The following FRMD4A variants were observed in gnomAD, a reference collection of about 807,000 sequenced individuals.
FRMD4A encodes FERM domain-containing protein 4A.
FRMD4A carries 29 observed loss-of-function variants against 129.1 expected under a neutral mutation model. That is an observed-to-expected ratio of 0.22 (90% CI 0.17 to 0.31). The LOEUF (loss-of-function observed/expected upper bound fraction) is 0.31. FRMD4A is among the 10% of genes least tolerant of loss of function. FRMD4A has a pLI of 1.00. For synonymous variants in FRMD4A, 634 were observed against 571.6 expected, an observed-to-expected ratio of 1.11 and a Z score of -1.56; for missense variants, 1,272 against 1,375.8, an observed-to-expected ratio of 0.92 and a Z score of 1.19.
At chr10:14,028,544 C>T (rs1833087023) in intron 2 of FRMD4A, among the ~76,000 whole-genome samples, 1 of 152,136 alleles carries the variant, frequency 6.6e-6, no homozygotes, top group African/African-American at 2.4e-5. Context: ...ATGAAATAAA[C>T]ATATCTCTTA....
At chr10:14,049,725 C>G (rs1834168062) in intron 2 of FRMD4A, among the ~76,000 whole-genome samples, 1 of 152,096 alleles carries the variant, frequency 6.6e-6, no homozygotes, top group South Asian at 2.1e-4. Flanking sequence ...CATGGTGGCG[C>G]TCGCCTAGAA....
intron 2 of FRMD4A, among the ~76,000 whole-genome samples, chr10:13,998,644 C>G (rs1487527521): frequency 6.6e-6 from 1 of 152,196 alleles, no homozygotes; most frequent in African/African-American, 2.4e-5. Flanking sequence ...TACAGCTGCT[C>G]AGGGGGCCGT....
intron 2 of FRMD4A, among the ~76,000 whole-genome samples, chr10:14,150,086 A>T (rs1256442289): frequency 6.6e-6 from 1 of 152,068 alleles, no homozygotes; most frequent in Non-Finnish European, 1.5e-5. Context: ...ACCAGATCTC[A>T]TGAAAACTCT....
At chr10:13,722,699 A>C (rs2089535543) in intron 12 of FRMD4A, among the ~76,000 whole-genome samples, 1 of 152,254 alleles carries the variant, frequency 6.6e-6, no homozygotes, top group African/African-American at 2.4e-5. Flanking sequence ...TATGATGAGC[A>C]GTATCACTAG....
At chr10:14,250,666 C>A (rs1844407186) in intron 2 of FRMD4A, among the ~76,000 whole-genome samples, 1 of 152,174 alleles carries the variant, frequency 6.6e-6, no homozygotes, top group African/African-American at 2.4e-5. Flanking sequence ...TCTTTTAACC[C>A]AGTCCTTGGC....
chr10:14,211,571 T>C (rs1458320944), intron 2 of FRMD4A, among the ~76,000 whole-genome samples: 2 of 152,160 alleles, frequency 1.3e-5, no homozygotes, highest in Admixed American at 1.3e-4. Context: ...TTAAATCCCA[T>C]CCTCCTTTCT....
intron 2 of FRMD4A, among the ~76,000 whole-genome samples, chr10:14,127,649 A>G (rs1368743789): frequency 6.6e-6 from 1 of 152,104 alleles, no homozygotes; most frequent in East Asian, 1.9e-4. Flanking sequence ...GGGAATGGCT[A>G]TCTTTTTTGC....
intron 2 of FRMD4A, among the ~76,000 whole-genome samples, chr10:14,048,381 G>T (rs1262803314): frequency 2.0e-5 from 3 of 152,206 alleles, no homozygotes; most frequent in African/African-American, 7.2e-5. Context: ...TTGTGGGACT[G>T]ATTTTTTGGG....
Position 13,659,426 on chromosome 10 carries a change from G to C in FRMD4A, c.1963C>G (p.Gln655Glu), listed in dbSNP as rs1271399948. 13 of 1,613,852 alleles carry C rather than the reference G, an allele frequency of 8.1e-6. No individual in the cohort carries two copies. Among genetic ancestry groups the C allele is most frequent in the Non-Finnish European group, 1.1e-5 (13 of 1,179,956 alleles). Residue 655 changes from glutamine (Q) to glutamate (E), a missense_variant, in exon 21 of 25, where the codon CAG becomes GAG. Physicochemically the swap from Gln to Glu is conservative, Grantham distance 29. Transcript: ENST00000357447. ...AEAGGGSNSL[Q>E]NSPIRGLPHW... ...GGGAGGCCGCGGATGGGGCTGTTCTGCAAGGAGTTGCTTCCTCCGCCGGCT... is the reference window on the plus strand; with the variant it reads ...GGGAGGCCGCGGATGGGGCTGTTCTCCAAGGAGTTGCTTCCTCCGCCGGCT...
chr10:14,016,422 C>T (rs963447705), intron 2 of FRMD4A, among the ~76,000 whole-genome samples: 3 of 152,210 alleles, frequency 2.0e-5, no homozygotes, highest in Non-Finnish European at 2.9e-5. Flanking sequence ...ATTCTGCACA[C>T]GGTTTTCCTG....
At chr10:14,246,438 TAC>T (rs1272681838) in intron 2 of FRMD4A, among the ~76,000 whole-genome samples, 1 of 151,824 alleles carries the variant, frequency 6.6e-6, no homozygotes, top group Non-Finnish European at 1.5e-5. Flanking sequence ...CATGCACTCA[TAC>T]ACAATCACAC....
chr10:13,971,406 T>C (rs1305913626), intron 2 of FRMD4A, among the ~76,000 whole-genome samples: 1 of 152,194 alleles, frequency 6.6e-6, no homozygotes, highest in Non-Finnish European at 1.5e-5. Flanking sequence ...GATGGTGACA[T>C]AGGCACTTCC....
intron 2 of FRMD4A, among the ~76,000 whole-genome samples, chr10:14,097,748 T>G (rs1047240561): frequency 6.6e-6 from 1 of 151,172 alleles, no homozygotes; most frequent in African/African-American, 2.4e-5. Context: ...TGGTCTAAAT[T>G]TATAGGGCAG....
chr10:14,006,521 C>A (rs1168486737), intron 2 of FRMD4A, among the ~76,000 whole-genome samples: 1 of 152,154 alleles, frequency 6.6e-6, no homozygotes, highest in African/African-American at 2.4e-5. Context: ...AACACTTTAT[C>A]TGGAGAACAT....
chr10:13,766,795 C>A (rs1448785544), intron 6 of FRMD4A, among the ~76,000 whole-genome samples: 1 of 152,174 alleles, frequency 6.6e-6, no homozygotes, highest in Non-Finnish European at 1.5e-5. Flanking sequence ...TGAAAGCTGG[C>A]CGGGCACAGT....
At chr10:13,994,124 T>G (rs2095613878) in intron 2 of FRMD4A, among the ~76,000 whole-genome samples, 1 of 150,506 alleles carries the variant, frequency 6.6e-6, no homozygotes, top group African/African-American at 2.4e-5. Context: ...TTCTGCTGTC[T>G]CAGCCTCCCG....
chr10:14,199,315 T>C (rs1842563905), intron 2 of FRMD4A, among the ~76,000 whole-genome samples: 1 of 139,246 alleles, frequency 7.2e-6, no homozygotes, highest in African/African-American at 3.0e-5. Flanking sequence ...TATTTATTTA[T>C]TTATTTATTT....
At chr10:13,659,196 G>T (rs11258505) in intron 21 of FRMD4A, 127 bp downstream of exon 21, 17,293 of 882,774 alleles carry the variant, frequency 0.02, 1,082 homozygotes, top group African/African-American at 0.17. Context: ...TTTTTATTCC[G>T]CTTCATTTAT....
At chr10:14,226,110 T>A (rs1419246825) in intron 2 of FRMD4A, among the ~76,000 whole-genome samples, 2 of 152,202 alleles carry the variant, frequency 1.3e-5, no homozygotes, top group Non-Finnish European at 2.9e-5. Flanking sequence ...CCCTGCATGT[T>A]TTTTTTAAAT....
Sources: gnomAD v4.1 joint callset for allele counts (sites outside exome capture counted in the v4.1 genomes callset) on GRCh38, gnomAD v4.1.1 for gene constraint, MANE v1.5 for transcripts, NCBI Gene and HGNC (gene_info 2026-07-23, HGNC 2026-07-21) for gene names.